ACCSL: variants seen among roughly 807,000 people sequenced by gnomAD.
ACCSL encodes 1-aminocyclopropane-1-carboxylate synthase homolog (inactive) like.
ACCSL carries 55 observed loss-of-function variants against 61.7 expected under a neutral mutation model. The observed-to-expected ratio is 0.89, with a 90% confidence interval of 0.72 to 1.12. The LOEUF (loss-of-function observed/expected upper bound fraction) is 1.12, where lower values mean the gene tolerates loss of function less well. Ranked by LOEUF, ACCSL falls within the 50% of genes most tolerant of loss-of-function variation. ACCSL has a pLI of 0.00. For synonymous variants in ACCSL, 258 were observed against 264.3 expected, an observed-to-expected ratio of 0.98 and a Z score of 0.23; for missense variants, 632 against 698.0, an observed-to-expected ratio of 0.91 and a Z score of 1.07.
At chr11:43,960,595 G>A in the ACCSL span, among the ~76,000 whole-genome samples, 1,383 of 152,182 alleles carry the variant, frequency 9.1e-3, 20 homozygotes, top group African/African-American at 0.032. Flanking sequence ...ATGTTGGCCA[G>A]GCTGGTCTCG....
At chr11:43,926,649 C>G in the ACCSL span, 1 of 315,546 alleles carries the variant, frequency 3.2e-6, no homozygotes, top group Admixed American at 4.4e-5. Flanking sequence ...TTTCTCCTTA[C>G]TACAAAAGAG....
At chr11:43,926,716 C>T in the ACCSL span, among the ~76,000 whole-genome samples, 1 of 152,228 alleles carries the variant, frequency 6.6e-6, no homozygotes, top group Non-Finnish European at 1.5e-5. Flanking sequence ...GCGTTTGTAA[C>T]TTCACAAGCT....
chr11:43,937,866 G>T, the ACCSL span, among the ~76,000 whole-genome samples: 1 of 152,172 alleles, frequency 6.6e-6, no homozygotes, highest in Non-Finnish European at 1.5e-5. Context: ...CTTCAGGTTG[G>T]TGGATAGCTC....
At chr11:43,940,360 T>A in the ACCSL span, among the ~76,000 whole-genome samples, 6 of 132,496 alleles carry the variant, frequency 4.5e-5, no homozygotes, top group East Asian at 1.4e-3. Flanking sequence ...AATTATATCT[T>A]TTTTTTTTTT....
chr11:44,009,588 A>G, the ACCSL span, among the ~76,000 whole-genome samples: 1 of 152,282 alleles, frequency 6.6e-6, no homozygotes, highest in Admixed American at 6.5e-5. Context: ...CGACATAGTG[A>G]GACCCTGTCT....
the ACCSL span, among the ~76,000 whole-genome samples, chr11:43,922,741 C>T: frequency 1.3e-5 from 2 of 152,064 alleles, no homozygotes; most frequent in African/African-American, 4.8e-5. Context: ...CCTTTCTCAC[C>T]TCATTCTTAC....
chr11:44,042,833 C>G, the ACCSL span, among the ~76,000 whole-genome samples: 1 of 152,074 alleles, frequency 6.6e-6, no homozygotes, highest in African/African-American at 2.4e-5. Context: ...GTAATCCCAG[C>G]ACTTTGGGAG....
the ACCSL span, among the ~76,000 whole-genome samples, chr11:43,934,961 G>T: frequency 6.6e-6 from 1 of 152,102 alleles, no homozygotes; most frequent in African/African-American, 2.4e-5. Flanking sequence ...GGGGGAGGTG[G>T]TGCACAAGGC....
the ACCSL span, among the ~76,000 whole-genome samples, chr11:43,930,723 T>C: frequency 6.6e-6 from 1 of 152,172 alleles, no homozygotes; most frequent in Non-Finnish European, 1.5e-5. Context: ...TTTATAGCTA[T>C]GCAAAATGGA....
At chr11:43,992,233 T>C in the ACCSL span, among the ~76,000 whole-genome samples, 1 of 152,114 alleles carries the variant, frequency 6.6e-6, no homozygotes, top group Middle Eastern at 3.4e-3. Context: ...TGTATTTTTT[T>C]TGTTGAGACC....
the ACCSL span, among the ~76,000 whole-genome samples, chr11:43,989,347 C>T: frequency 3.3e-5 from 5 of 152,196 alleles, no homozygotes; most frequent in Admixed American, 1.3e-4. Flanking sequence ...TGCAGACAGT[C>T]GGAGCCCTCC....
chr11:44,058,950 T>C (rs1820223477), intron 13 of ACCSL, among the ~76,000 whole-genome samples: 1 of 152,068 alleles, frequency 6.6e-6, no homozygotes, highest in Non-Finnish European at 1.5e-5. Flanking sequence ...AGCTAAAAAG[T>C]AGTACTCTGA....
chr11:44,050,584 C>T lies in ACCSL; in HGVS notation c.597C>T (p.Asp199=), dbSNP rs768784154. 2.5e-6 allele frequency: 4 copies of T among 1,614,118 alleles called. No individual in the cohort carries two copies. Among genetic ancestry groups the T allele is most frequent in the East Asian group, 2.2e-5 (1 of 44,870 alleles). ...LQESDMNCIE[D]TLLQYPDWRG... ...AAAGTGACATGAACTGCATTGAGGA[C>T]ACCTTGCTTCAGTACCCTGATTGGA... The change falls in exon 3 of 14, where the codon GAC becomes GAT. Residue 199 remains aspartate, a synonymous_variant. Transcript: ENST00000378832.
At chr11:44,017,173 C>G in the ACCSL span, among the ~76,000 whole-genome samples, 1 of 152,166 alleles carries the variant, frequency 6.6e-6, no homozygotes, top group Non-Finnish European at 1.5e-5. Flanking sequence ...GAGGAAGGGA[C>G]AGCAAGGTGG....
At chr11:44,019,942 G>A in the ACCSL span, among the ~76,000 whole-genome samples, 1 of 152,142 alleles carries the variant, frequency 6.6e-6, no homozygotes, top group Non-Finnish European at 1.5e-5. Context: ...TATAAGGTAG[G>A]GGTCTAATTC....
the ACCSL span, among the ~76,000 whole-genome samples, chr11:43,929,391 T>C: frequency 6.8e-6 from 1 of 147,824 alleles, no homozygotes; most frequent in Non-Finnish European, 1.5e-5. Flanking sequence ...AGCTAATTTT[T>C]AACATTTATT....
chr11:43,933,005 TGG>T, the ACCSL span: 3 of 452,112 alleles, frequency 6.6e-6, no homozygotes, highest in Non-Finnish European at 1.3e-5. Context: ...GCTGTGTAGC[TGG>T]GGCTTGGTAC....
the ACCSL span, among the ~76,000 whole-genome samples, chr11:43,922,694 T>C: frequency 2.0e-5 from 3 of 152,214 alleles, no homozygotes; most frequent in East Asian, 5.8e-4. Flanking sequence ...TTCAGAGATA[T>C]GAAACTTTTA....
the ACCSL span, among the ~76,000 whole-genome samples, chr11:44,035,827 A>T: frequency 6.6e-6 from 1 of 151,088 alleles, no homozygotes; most frequent in Non-Finnish European, 1.5e-5. Context: ...AGTCCTAGCT[A>T]CTGAAGTGGC....
Sources: gnomAD v4.1 joint callset for allele counts (sites outside exome capture counted in the v4.1 genomes callset) on GRCh38, gnomAD v4.1.1 for gene constraint, MANE v1.5 for transcripts, NCBI Gene and HGNC (gene_info 2026-07-23, HGNC 2026-07-21) for gene names.